GALNT13: variants seen among roughly 807,000 people sequenced by gnomAD.
GALNT13 encodes polypeptide N-acetylgalactosaminyltransferase 13.
A neutral mutation model predicts 64.2 loss-of-function variants in GALNT13; 28 were observed. That is an observed-to-expected ratio of 0.44 (90% confidence interval 0.32 to 0.60). GALNT13 has a LOEUF of 0.60. GALNT13 is among the 20% of genes least tolerant of loss of function. The probability of loss-of-function intolerance (pLI) is 0.05; values close to 1 mark genes in which losing one functional copy is unlikely to be tolerated. For missense variants in GALNT13, 577 were observed against 669.8 expected, an observed-to-expected ratio of 0.86 and a Z score of 1.53; for synonymous variants, 214 against 224.6, an observed-to-expected ratio of 0.95 and a Z score of 0.42.
chr2:154,277,962 G>A (rs971365506), intron 8 of GALNT13, among the ~76,000 whole-genome samples: 3 of 152,080 alleles, frequency 2.0e-5, no homozygotes, highest in African/African-American at 7.2e-5. Context: ...ATTTCTGCAT[G>A]CCCTACTCTA....
the GALNT13 span, among the ~76,000 whole-genome samples, chr2:153,204,420 C>A: frequency 6.6e-6 from 1 of 152,188 alleles, no homozygotes; most frequent in South Asian, 2.1e-4. Flanking sequence ...TTGTATATGG[C>A]GCATTTGGGA....
the GALNT13 span, among the ~76,000 whole-genome samples, chr2:153,321,870 G>T: frequency 1.3e-5 from 2 of 152,074 alleles, no homozygotes; most frequent in African/African-American, 4.8e-5. Flanking sequence ...ATTTTCCACT[G>T]CCCAGTGAGA....
chr2:154,191,857 T>C (rs1038953044), intron 4 of GALNT13, among the ~76,000 whole-genome samples: 7 of 152,130 alleles, frequency 4.6e-5, no homozygotes, highest in Admixed American at 2.6e-4. Flanking sequence ...AGCCAACCGC[T>C]GTTGGCTGTG....
the GALNT13 span, among the ~76,000 whole-genome samples, chr2:153,117,349 C>T: frequency 6.6e-6 from 1 of 152,110 alleles, no homozygotes; most frequent in Non-Finnish European, 1.5e-5. Context: ...TTCTGAATAA[C>T]TTCGTAGTTA....
chr2:153,843,809 G>T, the GALNT13 span, among the ~76,000 whole-genome samples: 4 of 152,156 alleles, frequency 2.6e-5, no homozygotes, highest in African/African-American at 9.7e-5. Context: ...CAGGCCCCAT[G>T]CAAGTTTTAT....
chr2:154,431,626 G>GA (rs1227084291), intron 11 of GALNT13, among the ~76,000 whole-genome samples: 3 of 152,188 alleles, frequency 2.0e-5, no homozygotes, highest in Admixed American at 1.3e-4. Context: ...ACGTGAAAAA[G>GA]AAAGAATGCT....
intron 9 of GALNT13, among the ~76,000 whole-genome samples, chr2:154,336,152 T>C (rs1695434565): frequency 6.6e-6 from 1 of 152,102 alleles, no homozygotes; most frequent in African/African-American, 2.4e-5. Context: ...ACAAGTCTAG[T>C]TGATTAAATA....
the GALNT13 span, among the ~76,000 whole-genome samples, chr2:153,834,532 T>C: frequency 6.6e-6 from 1 of 152,136 alleles, no homozygotes; most frequent in Non-Finnish European, 1.5e-5. Flanking sequence ...TGTTGTCAGC[T>C]CTTGTTTTTT....
chr2:154,357,787 T>TAAC (rs1057018047), intron 9 of GALNT13, among the ~76,000 whole-genome samples: 8 of 152,076 alleles, frequency 5.3e-5, no homozygotes, highest in African/African-American at 1.2e-4. Flanking sequence ...CAGATGTAGA[T>TAAC]AACATCGGTC....
intron 4 of GALNT13, among the ~76,000 whole-genome samples, chr2:154,199,159 AAAT>A (rs1687039158): frequency 6.6e-6 from 1 of 151,956 alleles, no homozygotes; most frequent in South Asian, 2.1e-4. Flanking sequence ...CTTTGATTAA[AAAT>A]AATCATCATG....
chr2:153,550,828 G>T, the GALNT13 span, among the ~76,000 whole-genome samples: 1 of 152,126 alleles, frequency 6.6e-6, no homozygotes, highest in Non-Finnish European at 1.5e-5. Flanking sequence ...TTTATTGAAT[G>T]ACTAATAGGT....
chr2:153,089,341 T>C, the GALNT13 span, among the ~76,000 whole-genome samples: 1 of 152,204 alleles, frequency 6.6e-6, no homozygotes, highest in Non-Finnish European at 1.5e-5. Flanking sequence ...CTGAGAAATC[T>C]GCTGTTAATC....
intron 4 of GALNT13, among the ~76,000 whole-genome samples, chr2:154,228,995 A>G (rs1688772993): frequency 6.6e-6 from 1 of 152,084 alleles, no homozygotes; most frequent in Admixed American, 6.6e-5. Context: ...AATACCATCA[A>G]TTTATCTGTT....
chr2:153,436,185 A>G, the GALNT13 span, among the ~76,000 whole-genome samples: 24 of 152,276 alleles, frequency 1.6e-4, no homozygotes, highest in East Asian at 3.1e-3. Context: ...AGCCCACGTG[A>G]TCATGGTAGA....
chr2:153,837,268 G>A, the GALNT13 span, among the ~76,000 whole-genome samples: 1 of 152,102 alleles, frequency 6.6e-6, no homozygotes, highest in Non-Finnish European at 1.5e-5. Flanking sequence ...GTGATGATGA[G>A]CATTTTTTCA....
At chr2:153,104,742 A>G in the GALNT13 span, among the ~76,000 whole-genome samples, 12,069 of 152,200 alleles carry the variant, frequency 0.079, 638 homozygotes, top group Non-Finnish European at 0.12. Context: ...TCTGTAACCT[A>G]TGGAAGCTTC....
the GALNT13 span, among the ~76,000 whole-genome samples, chr2:153,173,902 T>C: frequency 6.6e-6 from 1 of 152,232 alleles, no homozygotes; most frequent in Non-Finnish European, 1.5e-5. Context: ...TCTATGTTTC[T>C]AAAATACAAT....
chr2:154,281,289 G>A (rs1015350752), intron 8 of GALNT13, among the ~76,000 whole-genome samples: 13 of 151,992 alleles, frequency 8.6e-5, no homozygotes, highest in Non-Finnish European at 1.6e-4. Flanking sequence ...TTTATTTCTT[G>A]CCTGTTATAT....
At chr2:154,267,443 T>C (rs551611505) in intron 8 of GALNT13, among the ~76,000 whole-genome samples, 6 of 151,846 alleles carry the variant, frequency 4.0e-5, no homozygotes, top group Admixed American at 3.3e-4. Context: ...AGTTTGAGAG[T>C]AGCCTGGCCA....
Sources: allele counts gnomAD v4.1 joint callset (sites outside exome capture counted in the v4.1 genomes callset), GRCh38; gene constraint gnomAD v4.1.1; transcripts MANE v1.5; gene names NCBI Gene and HGNC (gene_info 2026-07-23, HGNC 2026-07-21).